The following DOCK1 variants were observed in gnomAD, a reference collection of about 807,000 sequenced individuals.
DOCK1 encodes dedicator of cytokinesis protein 1.
In DOCK1, 138 loss-of-function variants were observed where a neutral mutation model predicts 262.7. The ratio of observed to expected loss-of-function variants is 0.53; its 90% confidence interval spans 0.46 to 0.61. DOCK1 has a LOEUF of 0.61. Ranked by LOEUF, DOCK1 falls within the 20% of genes least tolerant of loss-of-function variation. The probability of loss-of-function intolerance (pLI) is 0.00; values close to 1 mark genes in which losing one functional copy is unlikely to be tolerated. For missense variants in DOCK1, 1,908 were observed against 2,370.7 expected (o/e 0.80, Z 4.05); for synonymous variants, 866 against 867.4 (o/e 1.00, Z 0.03).
intron 28 of DOCK1, 53 bp downstream of exon 28, chr10:127,248,162 T>C (rs1255650575): frequency 5.8e-5 from 85 of 1,455,212 alleles, no homozygotes; most frequent in Non-Finnish European, 6.3e-5. Context: ...GCCAGCACTT[T>C]AGACAAAAGC....
At position 127,438,986 on chromosome 10, in the gene DOCK1, C is replaced by T. The variant is rs1434296012; in HGVS notation, c.5061-41C>T. On this transcript the variant is annotated intron_variant, in intron 48 of 51. Transcript: ENST00000623213. ...TTACACGTGTCTGTGGGCTGGAAAGCAATTGCTCTCCTATTAAGACGTCAT... is the reference window on the plus strand; with the variant it reads ...TTACACGTGTCTGTGGGCTGGAAAGTAATTGCTCTCCTATTAAGACGTCAT... 4 of 1,511,040 alleles carry T rather than the reference C, an allele frequency of 2.6e-6. No homozygotes were observed. The South Asian group carries it at 5.2e-5, about 20-fold the overall frequency. 93.6% of individuals were successfully genotyped at this position (1,511,040 alleles called of 1,614,324 possible).
At chr10:127,389,734 G>A (rs1045610598) in intron 38 of DOCK1, among the ~76,000 whole-genome samples, 3 of 152,138 alleles carry the variant, frequency 2.0e-5, no homozygotes, top group African/African-American at 4.8e-5. Context: ...GTGTGGGACC[G>A]GCCGGGCGTG....
chr10:127,291,776 G>C (rs1348613069), intron 29 of DOCK1, among the ~76,000 whole-genome samples: 1 of 152,214 alleles, frequency 6.6e-6, no homozygotes, highest in Non-Finnish European at 1.5e-5. Flanking sequence ...TATAGCCTAC[G>C]TAGAGAGAAT....
At chr10:127,244,399 A>G (rs573334094) in intron 27 of DOCK1, among the ~76,000 whole-genome samples, 1 of 152,282 alleles carries the variant, frequency 6.6e-6, no homozygotes, top group South Asian at 2.1e-4. Flanking sequence ...TTCCTTTGGT[A>G]GATTATCAGA....
chr10:127,355,231 G>A (rs1279535621), intron 32 of DOCK1, among the ~76,000 whole-genome samples: 1 of 152,120 alleles, frequency 6.6e-6, no homozygotes, highest in Non-Finnish European at 1.5e-5. Context: ...GAGTTTATTT[G>A]TAAATTAAGT....
intron 1 of DOCK1, among the ~76,000 whole-genome samples, chr10:126,912,890 ATGGAT>A (rs1373043508): frequency 6.6e-6 from 1 of 152,018 alleles, no homozygotes. Flanking sequence ...ACACTGACAT[ATGGAT>A]TTGGAGGGAC....
intron 27 of DOCK1, among the ~76,000 whole-genome samples, chr10:127,244,003 A>G (rs569304135): frequency 6.0e-4 from 91 of 152,150 alleles, no homozygotes; most frequent in South Asian, 1.2e-3. Context: ...TTCCTCTTCA[A>G]TTATTTTCTC....
chr10:127,151,369 G>T (rs558628147), intron 27 of DOCK1, among the ~76,000 whole-genome samples: 1 of 152,256 alleles, frequency 6.6e-6, no homozygotes, highest in Admixed American at 6.5e-5. Context: ...ATATTACTCT[G>T]CAGACTGTCC....
chr10:127,033,101 G>A (rs187543286), intron 18 of DOCK1, among the ~76,000 whole-genome samples: 17 of 152,270 alleles, frequency 1.1e-4, no homozygotes, highest in Admixed American at 9.2e-4. Flanking sequence ...GCTTAGTGAG[G>A]GTTACATGAA....
chr10:126,920,893 A>G (rs1029370613), intron 1 of DOCK1, among the ~76,000 whole-genome samples: 7 of 152,252 alleles, frequency 4.6e-5, no homozygotes, highest in African/African-American at 1.7e-4. Context: ...CCACTGCTTC[A>G]CTTGCCTTTA....
chr10:127,372,815 T>A (rs1028049190), intron 33 of DOCK1, among the ~76,000 whole-genome samples: 2 of 152,192 alleles, frequency 1.3e-5, no homozygotes, highest in Non-Finnish European at 2.9e-5. Context: ...CAATTCTTCC[T>A]TTGTCCATCT....
At chr10:127,298,036 G>T (rs556512569) in intron 29 of DOCK1, among the ~76,000 whole-genome samples, 1 of 152,170 alleles carries the variant, frequency 6.6e-6, no homozygotes, top group South Asian at 2.1e-4. Flanking sequence ...TTCCCACCAC[G>T]TGTAATAAAC....
At chr10:127,196,819 GC>G (rs1378017475) in intron 27 of DOCK1, among the ~76,000 whole-genome samples, 1 of 151,988 alleles carries the variant, frequency 6.6e-6, no homozygotes, top group African/African-American at 2.4e-5. Context: ...GGGTTTCTGG[GC>G]TGCAGGCGGC....
chr10:127,052,447 C>G (rs1474887809), intron 21 of DOCK1, among the ~76,000 whole-genome samples: 1 of 151,674 alleles, frequency 6.6e-6, no homozygotes, highest in Non-Finnish European at 1.5e-5. Flanking sequence ...TCACTTGAGC[C>G]CGGAAGGCAG....
At chr10:127,201,311 C>G (rs572312640) in intron 27 of DOCK1, among the ~76,000 whole-genome samples, 1 of 152,300 alleles carries the variant, frequency 6.6e-6, no homozygotes, top group South Asian at 2.1e-4. Flanking sequence ...GCCCGTGGCT[C>G]TTGCACGGTC....
At chr10:127,110,503 C>G in intron 25 of DOCK1, 149 bp downstream of exon 25, 1 of 696,090 alleles carries the variant, frequency 1.4e-6, no homozygotes, top group Admixed American at 2.5e-5. Flanking sequence ...TTAGCCCTTA[C>G]AAGAGAAGGG....
intron 38 of DOCK1, among the ~76,000 whole-genome samples, chr10:127,395,288 C>T (rs934088237): frequency 1.3e-5 from 2 of 152,176 alleles, no homozygotes; most frequent in African/African-American, 4.8e-5. Context: ...CTGGAGAGGG[C>T]CCTCTGCCTG....
At chr10:127,271,318 C>G (rs1187826346) in intron 29 of DOCK1, among the ~76,000 whole-genome samples, 1 of 152,148 alleles carries the variant, frequency 6.6e-6, no homozygotes, top group Non-Finnish European at 1.5e-5. Context: ...ACCAAACATG[C>G]AATTCCACCA....
intron 38 of DOCK1, among the ~76,000 whole-genome samples, chr10:127,386,775 C>A (rs1195133793): frequency 6.6e-6 from 1 of 152,150 alleles, no homozygotes; most frequent in Non-Finnish European, 1.5e-5. Context: ...ATCCCCCACC[C>A]CGGTCCATGG....
Sources: gnomAD v4.1 joint callset for allele counts (sites outside exome capture counted in the v4.1 genomes callset) on GRCh38, gnomAD v4.1.1 for gene constraint, MANE v1.5 for transcripts, NCBI Gene and HGNC (gene_info 2026-07-23, HGNC 2026-07-21) for gene names.